ATRNL1: variants seen among roughly 807,000 people sequenced by gnomAD.
ATRNL1 encodes attractin-like protein 1.
In ATRNL1, 95 loss-of-function variants were observed where a neutral mutation model predicts 182.7. The ratio of observed to expected loss-of-function variants is 0.52; its 90% CI spans 0.44 to 0.62. The LOEUF is 0.62. Ranked by LOEUF, ATRNL1 falls within the 20% of genes least tolerant of loss-of-function variation. ATRNL1 has a pLI of 0.00. For missense variants in ATRNL1, 1,471 were observed against 1,679.5 expected (o/e 0.88, Z 2.17); for synonymous variants, 576 against 568.3 (o/e 1.01, Z -0.19).
chr10:115,716,089 TA>T (rs1565313056), intron 26 of ATRNL1, among the ~76,000 whole-genome samples: 1 of 152,184 alleles, frequency 6.6e-6, no homozygotes, highest in Non-Finnish European at 1.5e-5. Flanking sequence ...TCATTTTTTT[TA>T]AAAAACATCA....
chr10:115,287,317 T>C (rs1338818551), intron 15 of ATRNL1, among the ~76,000 whole-genome samples: 1 of 152,078 alleles, frequency 6.6e-6, no homozygotes. Flanking sequence ...GTAAAGAATA[T>C]AGAAAAATTT....
chr10:115,624,526 A>G (rs1408856046), intron 26 of ATRNL1, among the ~76,000 whole-genome samples: 1 of 152,210 alleles, frequency 6.6e-6, no homozygotes, highest in Non-Finnish European at 1.5e-5. Flanking sequence ...ATATAAAAGC[A>G]ATGTGAGAGT....
chr10:115,588,781 G>A (rs1555011183), intron 26 of ATRNL1, among the ~76,000 whole-genome samples: 1 of 152,196 alleles, frequency 6.6e-6, no homozygotes, highest in East Asian at 1.9e-4. Context: ...AAGAGGGATT[G>A]ATCAATGTGT....
At chr10:115,633,163 G>A (rs1217676793) in intron 26 of ATRNL1, among the ~76,000 whole-genome samples, 1 of 151,928 alleles carries the variant, frequency 6.6e-6, no homozygotes, top group East Asian at 1.9e-4. Context: ...CTCCCGCCTC[G>A]GCCACCCAAA....
At chr10:115,808,165 T>G (rs1555086062) in intron 27 of ATRNL1, among the ~76,000 whole-genome samples, 1 of 152,132 alleles carries the variant, frequency 6.6e-6, no homozygotes, top group Non-Finnish European at 1.5e-5. Context: ...AGTAACAAAT[T>G]TATCTGTTTT....
intron 19 of ATRNL1, among the ~76,000 whole-genome samples, chr10:115,352,158 G>C (rs566718148): frequency 6.6e-6 from 1 of 151,928 alleles, no homozygotes; most frequent in South Asian, 2.1e-4. Context: ...ATCAATTGTA[G>C]TGTCTTTTTT....
chr10:115,492,848 T>A (rs1554977011), intron 24 of ATRNL1, among the ~76,000 whole-genome samples: 1 of 151,860 alleles, frequency 6.6e-6, no homozygotes, highest in East Asian at 1.9e-4. Context: ...TTTCACCATG[T>A]TAGCCAGGAT....
intron 26 of ATRNL1, among the ~76,000 whole-genome samples, chr10:115,562,389 A>C (rs540565488): frequency 1.3e-5 from 2 of 152,244 alleles, no homozygotes; most frequent in South Asian, 4.1e-4. Context: ...TTTTAAAATT[A>C]GACTGTGGTA....
chr10:115,740,835 CACACACACACACACACACAA>C (rs782326853), intron 27 of ATRNL1, among the ~76,000 whole-genome samples: 2,096 of 18,868 alleles, frequency 0.11, 26 homozygotes, highest in Non-Finnish European at 0.41. Flanking sequence ...CACACACACA[CACACACACACACACACACAA>C]ACACACACAC....
rs566687630 is a variant in ATRNL1, at chr10:115,703,473, A to T, written c.3796-23775A>T. On this transcript the variant is annotated intron_variant, in intron 26 of 28. Transcript: ENST00000355044. ...GAGAACATTGTTATAAATATCAAAA[A>T]GTACCAAAACTACTTATGACAGTGG... Among the ~76,000 whole-genome samples, 7 of 152,010 alleles carry T rather than the reference A, an allele frequency of 4.6e-5. No homozygotes were observed. The East Asian group carries it at 1.4e-3, about 29-fold the overall frequency.
chr10:115,753,196 T>C (rs1335112779), intron 27 of ATRNL1, among the ~76,000 whole-genome samples: 1 of 152,130 alleles, frequency 6.6e-6, no homozygotes, highest in East Asian at 1.9e-4. Flanking sequence ...TTTATTATAC[T>C]TTCAGTTCTG....
At chr10:115,413,482 C>A (rs536499125) in intron 20 of ATRNL1, among the ~76,000 whole-genome samples, 1 of 152,200 alleles carries the variant, frequency 6.6e-6, no homozygotes, top group African/African-American at 2.4e-5. Flanking sequence ...CAACATTTTT[C>A]TATAAACAAG....
intron 3 of ATRNL1, 53 bp downstream of exon 3, chr10:115,121,865 TTAAA>T: frequency 1.2e-6 from 1 of 814,922 alleles, no homozygotes; most frequent in South Asian, 1.7e-5. Context: ...AATTGCTTCT[TTAAA>T]TATATATTGA....
intron 27 of ATRNL1, among the ~76,000 whole-genome samples, chr10:115,811,672 T>C (rs1238125518): frequency 2.0e-5 from 3 of 152,090 alleles, no homozygotes; most frequent in Non-Finnish European, 4.4e-5. Context: ...AGCTGTCTAC[T>C]ATTAGCTAGA....
chr10:115,174,929 A>G (rs1554886424), intron 8 of ATRNL1, among the ~76,000 whole-genome samples: 2 of 151,946 alleles, frequency 1.3e-5, no homozygotes, highest in Admixed American at 6.6e-5. Flanking sequence ...AAATGGCCCA[A>G]AGTTCCCAGG....
intron 25 of ATRNL1, among the ~76,000 whole-genome samples, chr10:115,541,598 A>T (rs183444472): frequency 2.5e-4 from 38 of 152,322 alleles, no homozygotes; most frequent in African/African-American, 8.9e-4. Context: ...CCAAACTGGG[A>T]ATAATCAAAA....
At chr10:115,660,107 T>C (rs782202408) in intron 26 of ATRNL1, among the ~76,000 whole-genome samples, 2 of 152,064 alleles carry the variant, frequency 1.3e-5, no homozygotes, top group Non-Finnish European at 2.9e-5. Flanking sequence ...AGGGAGACTG[T>C]ATGTATGGTC....
intron 20 of ATRNL1, among the ~76,000 whole-genome samples, chr10:115,400,387 G>A (rs1285584976): frequency 6.6e-6 from 1 of 152,086 alleles, no homozygotes; most frequent in Non-Finnish European, 1.5e-5. Flanking sequence ...TAGAGTATAT[G>A]CCATGCAGTG....
intron 27 of ATRNL1, among the ~76,000 whole-genome samples, chr10:115,825,874 T>C (rs1243392296): frequency 6.6e-6 from 1 of 152,190 alleles, no homozygotes; most frequent in Non-Finnish European, 1.5e-5. Context: ...GACCTTTTTT[T>C]TCCCTTAGGG....
Sources: gnomAD v4.1 joint callset for allele counts (sites outside exome capture counted in the v4.1 genomes callset) on GRCh38, gnomAD v4.1.1 for gene constraint, MANE v1.5 for transcripts, NCBI Gene and HGNC (gene_info 2026-07-23, HGNC 2026-07-21) for gene names.